The following NRF1 variants were observed in gnomAD, a reference collection of about 807,000 sequenced individuals.
The protein encoded by NRF1 is alpha palindromic-binding protein.
Under a neutral mutation model 58.5 loss-of-function variants are expected in NRF1, and 5 were observed. That is an observed-to-expected ratio of 0.09 (90% CI 0.04 to 0.18). The LOEUF (loss-of-function observed/expected upper bound fraction) is 0.18, where lower values mean the gene tolerates loss of function less well. Ranked by LOEUF, NRF1 falls within the 10% of genes least tolerant of loss-of-function variation. NRF1 has a pLI of 1.00. For missense variants in NRF1, 288 were observed against 657.7 expected, an observed-to-expected ratio of 0.44 and a Z score of 6.15; for synonymous variants, 224 against 246.7, an observed-to-expected ratio of 0.91 and a Z score of 0.86.
intron 5 of NRF1, among the ~76,000 whole-genome samples, chr7:129,690,966 A>G (rs1340594039): frequency 6.6e-6 from 1 of 152,196 alleles, no homozygotes; most frequent in Non-Finnish European, 1.5e-5. Context: ...AATTATTACT[A>G]AGTACAGCTT....
chr7:129,725,909 A>AG (rs1803442469), intron 9 of NRF1, among the ~76,000 whole-genome samples: 1 of 152,174 alleles, frequency 6.6e-6, no homozygotes, highest in Non-Finnish European at 1.5e-5. Flanking sequence ...AGTCTTTTGC[A>AG]GGGGAATTAC....
Position 129,695,511 on chromosome 7 carries a change from G to T in NRF1, c.606+4965G>T, listed in dbSNP as rs572328593. ...GAATCGCTTCACCCTGGGAGGCGGA[G>T]GTTACATTGAGCCGAGATCATGCCA... On this transcript the variant is annotated intron_variant, in intron 5 of 10. Coordinates refer to ENST00000393232, the MANE Select transcript of NRF1 (RefSeq NM_005011.5). 2.5e-4 allele frequency among the ~76,000 whole-genome samples: 38 copies of T among 151,576 alleles called. 2 individuals are homozygous for T. In the South Asian group the frequency reaches 7.5e-3, roughly 30 times the overall value.
At chr7:129,688,308 G>A (rs553786458) in intron 4 of NRF1, among the ~76,000 whole-genome samples, 1 of 152,060 alleles carries the variant, frequency 6.6e-6, no homozygotes, top group South Asian at 2.1e-4. Context: ...TGTATTTTTA[G>A]TAGACACAGG....
chr7:129,686,101 CAAAAAAAAAAAA>C (rs540355035), intron 4 of NRF1, among the ~76,000 whole-genome samples: 1 of 57,776 alleles, frequency 1.7e-5, no homozygotes, highest in African/African-American at 5.5e-5. Context: ...GACTGTATCT[CAAAAAAAAAAAA>C]AAAAAAAAGG....
intron 1 of NRF1, among the ~76,000 whole-genome samples, chr7:129,634,044 A>AATT (rs2065600820): frequency 1.9e-5 from 1 of 53,714 alleles, no homozygotes; most frequent in African/African-American, 5.1e-5. Flanking sequence ...AAAAAAAAAG[A>AATT]TATATATATA....
chr7:129,727,172 G>C (rs1803467987), intron 9 of NRF1, 69 bp from the exon 10 acceptor site: 1 of 1,477,310 alleles, frequency 6.8e-7, no homozygotes, highest in East Asian at 2.6e-5. Flanking sequence ...GGCATTGAAA[G>C]GATGGTTTGT....
intron 2 of NRF1, among the ~76,000 whole-genome samples, chr7:129,670,022 G>A (rs913046651): frequency 6.6e-6 from 1 of 152,170 alleles, no homozygotes; most frequent in African/African-American, 2.4e-5. Context: ...AAAAACACAA[G>A]GAAATGCTGT....
intron 1 of NRF1, among the ~76,000 whole-genome samples, chr7:129,634,041 A>AAAAT (rs1163693215): frequency 6.2e-5 from 7 of 113,808 alleles, no homozygotes; most frequent in East Asian, 3.1e-4. Flanking sequence ...AAAAAAAAAA[A>AAAAT]AGATATATAT....
chr7:129,643,461 G>A (rs754839728), intron 1 of NRF1, among the ~76,000 whole-genome samples: 1 of 152,124 alleles, frequency 6.6e-6, no homozygotes, highest in Non-Finnish European at 1.5e-5. Flanking sequence ...ATCACACATG[G>A]CAACTACTTA....
intron 3 of NRF1, 33 bp from the exon 4 acceptor site, chr7:129,677,599 A>G: frequency 6.2e-7 from 1 of 1,610,926 alleles, no homozygotes. Flanking sequence ...GTCTTTTTAA[A>G]ACTTTTTATT....
Position 129,710,832 on chromosome 7 carries a change from T to G in NRF1, c.963+261T>G, listed in dbSNP as rs532748738. On this transcript the variant is annotated intron_variant, in intron 7 of 10. Transcript: ENST00000393232. ...CTCTTTTTTTTTTTGAGACAAGATC[T>G]CTCTCTGTCATCACAGCTCACTGCA... Among the ~76,000 whole-genome samples the G allele has an allele frequency of 1.7e-4, 26 of 151,954 alleles. No individual in the cohort carries two copies. The South Asian group carries it at 4.2e-3, about 24-fold the overall frequency.
chr7:129,622,622 T>G (rs946937226), intron 1 of NRF1, among the ~76,000 whole-genome samples: 3 of 150,828 alleles, frequency 2.0e-5, no homozygotes, highest in Middle Eastern at 3.4e-3. Flanking sequence ...CAGACTGGAG[T>G]GCAGTGGCAC....
At chr7:129,728,579 A>G (rs1438979233) in intron 10 of NRF1, among the ~76,000 whole-genome samples, 2 of 152,190 alleles carry the variant, frequency 1.3e-5, no homozygotes, top group African/African-American at 4.8e-5. Flanking sequence ...GCAGAAAGAA[A>G]AGTACCTGGC....
intron 10 of NRF1, among the ~76,000 whole-genome samples, chr7:129,744,001 A>G (rs1803909322): frequency 6.6e-6 from 1 of 152,192 alleles, no homozygotes; most frequent in Non-Finnish European, 1.5e-5. Flanking sequence ...GCACATTAGC[A>G]CTTGGTGCTG....
chr7:129,634,039 A>ATATAT (rs1370530259), intron 1 of NRF1, among the ~76,000 whole-genome samples: 3 of 89,446 alleles, frequency 3.4e-5, no homozygotes, highest in African/African-American at 1.5e-4. Flanking sequence ...TAAAAAAAAA[A>ATATAT]AAAGATATAT....
intron 5 of NRF1, among the ~76,000 whole-genome samples, chr7:129,701,389 G>A (rs1313845362): frequency 3.3e-5 from 5 of 152,080 alleles, no homozygotes; most frequent in Non-Finnish European, 5.9e-5. Context: ...CTTGAGGTCA[G>A]GAGTTCAAGA....
At chr7:129,732,212 A>G (rs1423988451) in intron 10 of NRF1, among the ~76,000 whole-genome samples, 1 of 152,214 alleles carries the variant, frequency 6.6e-6, no homozygotes, top group Non-Finnish European at 1.5e-5. Context: ...TTCCTATTGC[A>G]GCAAACGTAA....
At chr7:129,694,359 T>C (rs141899228) in intron 5 of NRF1, among the ~76,000 whole-genome samples, 6 of 152,304 alleles carry the variant, frequency 3.9e-5, no homozygotes, top group African/African-American at 1.4e-4. Context: ...AGCTCCTCTT[T>C]GTCTCTGTCT....
intron 1 of NRF1, among the ~76,000 whole-genome samples, chr7:129,647,303 A>C (rs1801431222): frequency 6.6e-6 from 1 of 151,882 alleles, no homozygotes. Context: ...GATTACGGGC[A>C]TGAGCCACCA....
Sources: gnomAD v4.1 joint callset for allele counts (sites outside exome capture counted in the v4.1 genomes callset) on GRCh38, gnomAD v4.1.1 for gene constraint, MANE v1.5 for transcripts, NCBI Gene and HGNC (gene_info 2026-07-23, HGNC 2026-07-21) for gene names.